The following HIVEP3 variants were observed in gnomAD, a reference collection of about 807,000 sequenced individuals.
The protein encoded by HIVEP3 is HIVEP zinc finger 3, also known as transcription factor HIVEP3.
A neutral mutation model predicts 152.8 loss-of-function variants in HIVEP3; 49 were observed. The ratio of observed to expected loss-of-function variants is 0.32; its 90% CI spans 0.26 to 0.41. The LOEUF (loss-of-function observed/expected upper bound fraction) is 0.41. HIVEP3 is among the 10% of genes least tolerant of loss of function. HIVEP3 has a pLI of 1.00. For synonymous variants in HIVEP3, 1,269 were observed against 1,289.0 expected (o/e 0.98, Z 0.33); for missense variants, 2,790 against 3,103.3 (o/e 0.90, Z 2.40).
At chr1:41,571,511 T>C (rs1008148151) in intron 5 of HIVEP3, among the ~76,000 whole-genome samples, 1 of 152,190 alleles carries the variant, frequency 6.6e-6, no homozygotes, top group Non-Finnish European at 1.5e-5. Flanking sequence ...GAGGGGGCCA[T>C]GTGCCAGGAA....
Position 41,513,386 on chromosome 1 carries a change from G to A in HIVEP3, c.5835C>T (p.Ala1945=). The A allele has an allele frequency of 1.2e-6, 2 of 1,611,854 alleles. No individual in the cohort carries two copies. Among genetic ancestry groups the A allele is most frequent in the Non-Finnish European group, 1.7e-6 (2 of 1,179,166 alleles). The part of the protein sequence containing the change: ...SMPGLPWLGP[A]PLGSVEKDTG... Reference sequence around the variant, plus strand: ...TGTCTTTCTCCACAGAGCCCAGAGGGGCCGGTCCCAGCCAGGGGAGGCCCG... The same window carrying A: ...TGTCTTTCTCCACAGAGCCCAGAGGAGCCGGTCCCAGCCAGGGGAGGCCCG... Residue 1945 remains alanine (A), a synonymous_variant, in exon 8 of 9, where the codon GCC becomes GCT. Transcript: ENST00000372583.
At chr1:41,960,738 C>T (rs899106731) in intron 1 of HIVEP3, among the ~76,000 whole-genome samples, 3 of 152,114 alleles carry the variant, frequency 2.0e-5, no homozygotes, top group South Asian at 2.1e-4. Context: ...CACTTTTGCA[C>T]GCCCACAGTG....
chr1:41,667,299 T>C (rs529969441), intron 2 of HIVEP3, among the ~76,000 whole-genome samples: 4 of 152,366 alleles, frequency 2.6e-5, no homozygotes, highest in South Asian at 2.1e-4. Flanking sequence ...AGGAGGCCAG[T>C]TGGCCTCAAG....
intron 2 of HIVEP3, among the ~76,000 whole-genome samples, chr1:41,640,423 T>C (rs1038979528): frequency 6.6e-6 from 1 of 152,160 alleles, no homozygotes; most frequent in African/African-American, 2.4e-5. Context: ...GTGTTCCCTC[T>C]CTGGGTGCAA....
At chr1:41,554,336 A>T (rs150645693) in intron 5 of HIVEP3, among the ~76,000 whole-genome samples, 3,669 of 152,228 alleles carry the variant, frequency 0.024, 151 homozygotes, top group African/African-American at 0.08. Context: ...TTCAGCTCCA[A>T]CAGGTCATTT....
chr1:41,515,569 C>G (rs1642578433), intron 7 of HIVEP3, among the ~76,000 whole-genome samples: 1 of 152,180 alleles, frequency 6.6e-6, no homozygotes, highest in South Asian at 2.1e-4. Flanking sequence ...ACAGCAAAAT[C>G]CAGGCACAGA....
chr1:41,521,142 C>T (rs975916913), intron 6 of HIVEP3, among the ~76,000 whole-genome samples: 3 of 152,116 alleles, frequency 2.0e-5, no homozygotes, highest in Non-Finnish European at 4.4e-5. Context: ...TTTCTGCAAC[C>T]GTGAAGTAAT....
At chr1:41,631,809 C>T (rs978881660) in intron 2 of HIVEP3, among the ~76,000 whole-genome samples, 1 of 152,108 alleles carries the variant, frequency 6.6e-6, no homozygotes, top group African/African-American at 2.4e-5. Flanking sequence ...CAATAGATTG[C>T]AGTTATTAAT....
chr1:41,734,497 C>T (rs1187438565), intron 1 of HIVEP3, among the ~76,000 whole-genome samples: 2 of 152,238 alleles, frequency 1.3e-5, no homozygotes, highest in African/African-American at 4.8e-5. Flanking sequence ...GGCCACTAAG[C>T]ATTTCACTGA....
intron 1 of HIVEP3, among the ~76,000 whole-genome samples, chr1:41,986,040 T>C (rs989345191): frequency 1.3e-4 from 20 of 152,190 alleles, no homozygotes; most frequent in African/African-American, 4.8e-4. Context: ...TCTGGAAAGT[T>C]TGTGGAGCCA....
chr1:41,773,368 C>A (rs1421784216), intron 1 of HIVEP3, among the ~76,000 whole-genome samples: 1 of 152,218 alleles, frequency 6.6e-6, no homozygotes, highest in East Asian at 1.9e-4. Context: ...AAAAACATCA[C>A]ACAGGGATGG....
intron 1 of HIVEP3, among the ~76,000 whole-genome samples, chr1:41,895,198 T>C (rs1644508302): frequency 6.6e-6 from 1 of 151,432 alleles, no homozygotes; most frequent in African/African-American, 2.5e-5. Context: ...CCAAGCAGGC[T>C]ATGTGCAGGC....
In HIVEP3 at chr1:41,513,147, G is replaced by A. The variant is rs934676022; in HGVS notation, c.6074C>T (p.Pro2025Leu). ...VDPGRGMGAL[P>L]CGSPRLQLSP... ...CAGCTGAAGTCTTGGAGACCCACAA[G>A]GGAGAGCGCCCATGCCCCTTCCTGG... Residue 2025 changes from proline to leucine, a missense_variant, in exon 8 of 9, where the codon CCT becomes CTT. Physicochemically the swap from Pro to Leu is moderately conservative, Grantham distance 98. Coordinates refer to ENST00000372583, the MANE Select transcript of HIVEP3 (RefSeq NM_024503.5). The A allele has an allele frequency of 1.2e-5, 20 of 1,613,780 alleles. No individual in the cohort carries two copies. The Admixed American group carries it at 1.3e-4, about 11-fold the overall frequency.
At chr1:41,735,785 TGC>T (rs1266324678) in intron 1 of HIVEP3, among the ~76,000 whole-genome samples, 1 of 152,122 alleles carries the variant, frequency 6.6e-6, no homozygotes, top group Non-Finnish European at 1.5e-5. Context: ...CTAAATTCAC[TGC>T]CAGACAAAGC....
intron 5 of HIVEP3, among the ~76,000 whole-genome samples, chr1:41,573,727 C>T (rs1644285042): frequency 6.6e-6 from 1 of 152,104 alleles, no homozygotes; most frequent in African/African-American, 2.4e-5. Context: ...AAATGTTATT[C>T]TCCCCCTTTT....
chr1:41,596,984 C>T (rs1383595682), intron 3 of HIVEP3, among the ~76,000 whole-genome samples: 4 of 152,134 alleles, frequency 2.6e-5, no homozygotes, highest in Non-Finnish European at 4.4e-5. Flanking sequence ...CTGCTTTTTC[C>T]CTCAATAATG....
At chr1:41,754,995 C>A (rs1647248151) in intron 1 of HIVEP3, among the ~76,000 whole-genome samples, 1 of 152,068 alleles carries the variant, frequency 6.6e-6, no homozygotes, top group South Asian at 2.1e-4. Flanking sequence ...AACCAGAACA[C>A]TGAAACAATT....
chr1:41,595,796 AC>A (rs1644657580), intron 3 of HIVEP3, among the ~76,000 whole-genome samples: 1 of 152,172 alleles, frequency 6.6e-6, no homozygotes, highest in Non-Finnish European at 1.5e-5. Flanking sequence ...CTCCTGGCCT[AC>A]ATCTTTCTCC....
At chr1:41,995,447 T>C (rs1387364356) in intron 1 of HIVEP3, among the ~76,000 whole-genome samples, 2 of 152,114 alleles carry the variant, frequency 1.3e-5, no homozygotes, top group Non-Finnish European at 1.5e-5. Flanking sequence ...ATAAAGCCAT[T>C]TTCAGACAAA....
Sources: gnomAD v4.1 joint callset for allele counts (sites outside exome capture counted in the v4.1 genomes callset) on GRCh38, gnomAD v4.1.1 for gene constraint, MANE v1.5 for transcripts, NCBI Gene and HGNC (gene_info 2026-07-23, HGNC 2026-07-21) for gene names.